KCNIP4: variants seen among roughly 807,000 people sequenced by gnomAD.
KCNIP4 encodes the protein Kv channel-interacting protein 4.
A neutral mutation model predicts 34.0 loss-of-function variants in KCNIP4; 12 were observed. The observed-to-expected ratio is 0.35, with a 90% CI of 0.23 to 0.57. The LOEUF (loss-of-function observed/expected upper bound fraction) is 0.57. Among genes scored for constraint, KCNIP4 ranks in the 20% least tolerant of loss-of-function variants. The pLI is 0.83. For synonymous variants in KCNIP4, 124 were observed against 102.2 expected, an observed-to-expected ratio of 1.21 and a Z score of -1.29; for missense variants, 238 against 311.7, an observed-to-expected ratio of 0.76 and a Z score of 1.78.
rs559640549 is a variant in KCNIP4 at position 21,120,778 on chromosome 4, C to A, written c.62-238069G>T. On this transcript the variant is annotated intron_variant, in intron 1 of 8. Transcript: ENST00000382152. ...ATGAGATTTGGGTGGGGACACAAAG[C>A]CTAACCATATCAGTCCTAATCTCTT... 1.1e-4 allele frequency among the ~76,000 whole-genome samples: 16 copies of A among 152,272 alleles called. No homozygotes were observed. The South Asian group carries it at 3.3e-3, about 32-fold the overall frequency.
At chr4:21,714,202 G>A (rs575223460) in intron 1 of KCNIP4, among the ~76,000 whole-genome samples, 8 of 152,182 alleles carry the variant, frequency 5.3e-5, no homozygotes, top group Middle Eastern at 6.8e-3. Context: ...TTAATAAATT[G>A]TCATCAATAA....
chr4:20,730,604 A>AACATGTTTGCAGTAATCATCTCTCTTTCT (rs1747834573), intron 8 of KCNIP4, among the ~76,000 whole-genome samples: 1 of 152,082 alleles, frequency 6.6e-6, no homozygotes. Context: ...ATTAAGAGGT[A>AACATGTTTGCAGTAATCATCTCTCTTTCT]ACATGTTTGC....
At chr4:20,811,431 T>C (rs1715736525) in intron 3 of KCNIP4, among the ~76,000 whole-genome samples, 1 of 151,994 alleles carries the variant, frequency 6.6e-6, no homozygotes, top group Non-Finnish European at 1.5e-5. Context: ...AGGAATTTCA[T>C]TGTAAACAAG....
At chr4:21,195,564 G>A (rs894838225) in intron 1 of KCNIP4, among the ~76,000 whole-genome samples, 1 of 152,162 alleles carries the variant, frequency 6.6e-6, no homozygotes, top group African/African-American at 2.4e-5. Context: ...TCTTCAAAAG[G>A]CTCTTATTGA....
At chr4:21,895,145 A>C (rs2109409502) in intron 1 of KCNIP4, among the ~76,000 whole-genome samples, 1 of 152,086 alleles carries the variant, frequency 6.6e-6, no homozygotes, top group Non-Finnish European at 1.5e-5. Flanking sequence ...GTCTTGCTAA[A>C]CCTTGATATG....
chr4:21,016,060 T>G (rs993394545), intron 1 of KCNIP4, among the ~76,000 whole-genome samples: 6 of 149,022 alleles, frequency 4.0e-5, no homozygotes, highest in Non-Finnish European at 5.9e-5. Context: ...TGAAATTACA[T>G]GCCATCTCCT....
intron 1 of KCNIP4, among the ~76,000 whole-genome samples, chr4:21,791,742 C>T (rs749000961): frequency 6.6e-6 from 1 of 152,044 alleles, no homozygotes; most frequent in Non-Finnish European, 1.5e-5. Context: ...CCTCTCATGC[C>T]TGTAATCCCA....
At chr4:21,000,639 C>A (rs149497811) in intron 1 of KCNIP4, among the ~76,000 whole-genome samples, 1 of 151,788 alleles carries the variant, frequency 6.6e-6, no homozygotes, top group African/African-American at 2.4e-5. Context: ...GAGCCAAGAT[C>A]GCGCTGTTGC....
At chr4:20,964,876 AT>A (rs1160529362) in intron 1 of KCNIP4, among the ~76,000 whole-genome samples, 12 of 152,174 alleles carry the variant, frequency 7.9e-5, no homozygotes, top group Non-Finnish European at 1.6e-4. Context: ...TTTCTTTATT[AT>A]GTTAGAAAAT....
intron 3 of KCNIP4, among the ~76,000 whole-genome samples, chr4:20,819,507 T>C (rs1429206408): frequency 6.6e-6 from 1 of 152,080 alleles, no homozygotes; most frequent in Non-Finnish European, 1.5e-5. Flanking sequence ...CTTGGAATAA[T>C]AAAAGGAGTT....
At chr4:21,814,116 G>A (rs891474216) in intron 1 of KCNIP4, among the ~76,000 whole-genome samples, 2 of 151,954 alleles carry the variant, frequency 1.3e-5, no homozygotes, top group Non-Finnish European at 1.5e-5. Flanking sequence ...TCAGGTTTTC[G>A]AGGTCACACT....
chr4:21,824,832 T>G (rs1294787675), intron 1 of KCNIP4, among the ~76,000 whole-genome samples: 1 of 152,088 alleles, frequency 6.6e-6, no homozygotes, highest in Non-Finnish European at 1.5e-5. Flanking sequence ...CCCAGTTGCC[T>G]CCATCATTCA....
chr4:20,859,078 C>T, intron 2 of KCNIP4, among the ~76,000 whole-genome samples: 1 of 152,156 alleles, frequency 6.6e-6, no homozygotes, highest in East Asian at 1.9e-4. Context: ...GCCTCCAATG[C>T]CTCAATTTCT....
At chr4:21,855,654 G>A (rs1724703247) in intron 1 of KCNIP4, 1 of 151,414 alleles carries the variant, frequency 6.6e-6, no homozygotes, top group Admixed American at 6.6e-5. Flanking sequence ...ATATACAATT[G>A]GCTTCTGGGT....
At chr4:21,198,746 G>A (rs1464691981) in intron 1 of KCNIP4, among the ~76,000 whole-genome samples, 1 of 152,158 alleles carries the variant, frequency 6.6e-6, no homozygotes, top group Non-Finnish European at 1.5e-5. Flanking sequence ...CAACCCCACT[G>A]TTATATCTAT....
At chr4:21,021,787 T>A (rs1000187624) in intron 1 of KCNIP4, among the ~76,000 whole-genome samples, 2 of 152,014 alleles carry the variant, frequency 1.3e-5, no homozygotes, top group African/African-American at 4.8e-5. Context: ...TGAGGCTATT[T>A]TACAGTTACC....
chr4:21,519,730 G>A (rs1735303886), intron 1 of KCNIP4, among the ~76,000 whole-genome samples: 1 of 119,458 alleles, frequency 8.4e-6, no homozygotes, highest in Admixed American at 8.6e-5. Flanking sequence ...ACACACGTGT[G>A]TATATGTATG....
chr4:21,065,668 T>C (rs1412446529), intron 1 of KCNIP4, among the ~76,000 whole-genome samples: 1 of 147,862 alleles, frequency 6.8e-6, no homozygotes, highest in East Asian at 2.0e-4. Context: ...TTAGTAGCTG[T>C]TACTACTGTG....
intron 1 of KCNIP4, among the ~76,000 whole-genome samples, chr4:21,247,151 G>C (rs1464012419): frequency 6.6e-6 from 1 of 152,108 alleles, no homozygotes; most frequent in African/African-American, 2.4e-5. Flanking sequence ...AGGTTTTGTA[G>C]AGTACCTAAT....
Sources: gnomAD v4.1 joint callset for allele counts (sites outside exome capture counted in the v4.1 genomes callset) on GRCh38, gnomAD v4.1.1 for gene constraint, MANE v1.5 for transcripts, NCBI Gene and HGNC (gene_info 2026-07-23, HGNC 2026-07-21) for gene names.